The following ULK1 variants were observed in gnomAD, a reference collection of about 807,000 sequenced individuals.
The protein encoded by ULK1 is serine/threonine-protein kinase ULK1.
Under a neutral mutation model 117.5 loss-of-function variants are expected in ULK1, and 48 were observed. The ratio of observed to expected loss-of-function variants is 0.41; its 90% confidence interval spans 0.32 to 0.52. ULK1 has a LOEUF of 0.52. ULK1 is among the 20% of genes least tolerant of loss of function. The pLI is 0.29. For missense variants in ULK1, 1,387 were observed against 1,473.4 expected, an observed-to-expected ratio of 0.94 and a Z score of 0.96; for synonymous variants, 790 against 637.8, an observed-to-expected ratio of 1.24 and a Z score of -3.60.
At chr12:131,906,622 G>C in intron 3 of ULK1, 1 of 539,466 alleles carries the variant, frequency 1.9e-6, no homozygotes, top group South Asian at 2.1e-5. Flanking sequence ...CTTCCTGCTA[G>C]GGGGTATGTC....
At chr12:131,913,414 G>A (rs979092233) in intron 14 of ULK1, among the ~76,000 whole-genome samples, 156 bp downstream of exon 14, 31 of 150,820 alleles carry the variant, frequency 2.1e-4, no homozygotes, top group African/African-American at 4.9e-4. Flanking sequence ...AGTAAATGCC[G>A]TTGGCCCGTG....
Position 131,921,511 on chromosome 12 carries a change from C to A in ULK1, c.*150C>A. ...CACGGACAGTCAGCCTGCCGGCCTC[C>A]CTGCAGCTCACGGGGCAGAACCAGC... On this transcript the variant is annotated 3_prime_UTR_variant, in exon 28 of 28. Transcript: ENST00000321867. 2 of 1,198,692 alleles carry A rather than the reference C, an allele frequency of 1.7e-6. No individual in the cohort carries two copies. The highest frequency in any genetic ancestry group is 1.3e-5 in the South Asian group (1 of 76,286). The allele number at this position is 1,198,692 out of a possible 1,614,324, so 74.3% of individuals were successfully genotyped here. A position where few individuals can be genotyped will look rare whatever the true frequency, so the allele number is the denominator to read the frequency against.
In ULK1 at chr12:131,913,883, C is replaced by T. The variant is rs547499854; in HGVS notation, c.1247+47C>T. ...GTGGATGGGGCTGTGAACAGTCCCCCGGCTGGAGGTTGGGCTTCCTGTGTG... is the reference window on the plus strand; with the variant it reads ...GTGGATGGGGCTGTGAACAGTCCCCTGGCTGGAGGTTGGGCTTCCTGTGTG... On this transcript the variant is annotated intron_variant, in intron 15 of 27. Transcript: ENST00000321867. 336 of 1,413,818 alleles carry T rather than the reference C, an allele frequency of 2.4e-4. 2 individuals are homozygous for T. In the South Asian group the frequency reaches 3.4e-3, roughly 14 times the overall value. The allele number at this position is 1,413,818 out of a possible 1,614,324, so 87.6% of individuals were successfully genotyped here.
In ULK1 at chr12:131,904,618, T is replaced by C. The variant is rs187367075; in HGVS notation, c.247-2274T>C. ...GTGCTGGGCTCCTGCTCTGCACACA[T>C]GGGTGTTCCCCCAGGATACCTCTGA... On this transcript the variant is annotated intron_variant, in intron 3 of 27. Transcript: ENST00000321867. Among the ~76,000 whole-genome samples, 3 of 152,314 alleles carry C rather than the reference T, an allele frequency of 2.0e-5. No individual in the cohort carries two copies. In the East Asian group the frequency reaches 5.8e-4, roughly 29 times the overall value.
intron 3 of ULK1, among the ~76,000 whole-genome samples, chr12:131,901,683 T>C (rs1889096986): frequency 6.6e-6 from 1 of 152,242 alleles, no homozygotes; most frequent in Admixed American, 6.5e-5. Flanking sequence ...AGTTGGTTTT[T>C]GTTTGTGCGC....
At chr12:131,915,049 A>G (rs370838415) in intron 16 of ULK1, 34 bp from the exon 17 acceptor site, 2 of 1,517,610 alleles carry the variant, frequency 1.3e-6, no homozygotes, top group South Asian at 1.3e-5. Flanking sequence ...AGGGCTGCTG[A>G]GGCCTCCCCT....
Position 131,922,264 on chromosome 12 carries a change from C to T in ULK1, c.*903C>T, listed in dbSNP as rs1023996204. ...AGGTTAGAGGCAGATGGCACAGGGGCGTGTGGCGGGCGGGTGAGGCTGCTT... is the reference window on the plus strand; with the variant it reads ...AGGTTAGAGGCAGATGGCACAGGGGTGTGTGGCGGGCGGGTGAGGCTGCTT... On this transcript the variant is annotated 3_prime_UTR_variant, in exon 28 of 28. Transcript: ENST00000321867. The T allele has an allele frequency of 2.9e-6, 1 of 350,068 alleles. No homozygotes were observed. Among genetic ancestry groups the T allele is most frequent in the Non-Finnish European group, 5.7e-6 (1 of 175,838 alleles). The allele number at this position is 350,068 out of a possible 1,614,324, so 21.7% of individuals were successfully genotyped here.
rs766675435 is a variant in ULK1 at position 131,908,695 on chromosome 12, C to T, written c.368C>T (p.Ala123Val). The change falls in exon 6 of 28, where the codon GCG becomes GTG. Residue 123 changes from alanine (A) to valine (V), a missense_variant. Ala to Val is a moderately conservative substitution (Grantham distance 64). Around this residue, in one of 4 missense-constraint regions of ULK1, gnomAD observed 224 missense variants for 325.2 expected, o/e 0.69. Transcript: ENST00000321867. Reference sequence around the variant, plus strand: ...ATCAGGCTCTTCCTGCAGCAGATCGCGGGCGCCATGCGGCTTCTGCACAGC... The same window carrying T: ...ATCAGGCTCTTCCTGCAGCAGATCGTGGGCGCCATGCGGCTTCTGCACAGC... ...DTIRLFLQQI[A>V]GAMRLLHSKG... is the part of the protein sequence containing the mutation. 2.5e-6 allele frequency: 4 copies of T among 1,596,052 alleles called. No homozygotes were observed. Among genetic ancestry groups the T allele is most frequent in the East Asian group, 2.2e-5 (1 of 44,464 alleles).
At chr12:131,916,917 GC>G (rs1889815313) in intron 20 of ULK1, 35 bp from the exon 21 acceptor site, 1 of 1,563,600 alleles carries the variant, frequency 6.4e-7, no homozygotes, top group African/African-American at 1.4e-5. Flanking sequence ...GGTGGGGTGG[GC>G]CGGGCACCCA....
chr12:131,908,437 C>T (rs960241168), intron 5 of ULK1, among the ~76,000 whole-genome samples: 8 of 152,054 alleles, frequency 5.3e-5, no homozygotes, highest in Non-Finnish European at 1.2e-4. Context: ...GTGGGGCCGG[C>T]GCGCCGGGCT....
chr12:131,896,235 G>C (rs1479762177), intron 3 of ULK1, among the ~76,000 whole-genome samples: 1 of 152,128 alleles, frequency 6.6e-6, no homozygotes, highest in East Asian at 1.9e-4. Context: ...GCGTCAGACG[G>C]GGCGGGGGAG....
chr12:131,903,013 C>T lies in ULK1; in HGVS notation c.247-3879C>T, dbSNP rs10902472. Among the ~76,000 whole-genome samples, 27,738 of 152,082 alleles carry T rather than the reference C, an allele frequency of 0.18. 4,788 individuals carry two copies. The highest frequency in any genetic ancestry group is 0.46 in the African/African-American group (18,892 of 41,432). The stretch of plus-strand genomic sequence containing the variant: ...TGCAAGGCAGAGCTGGAGCCCGATG[C>T]CCTGTGTGGGTTCTGGGTGGGCCCA... On this transcript the variant is annotated intron_variant, in intron 3 of 27. Transcript: ENST00000321867. This position sits in a 1 kb window ranked among gnomAD's most constrained non-coding sequence, Gnocchi z 6.0.
In ULK1 at chr12:131,922,947, GT is replaced by G. The variant is rs1469972482; in HGVS notation, c.*1587del. 2 of 152,472 alleles carry G rather than the reference GT, an allele frequency of 1.3e-5. No homozygotes were observed. The highest frequency in any genetic ancestry group is 4.1e-4 in the South Asian group (2 of 4,830). The allele number at this position is 152,472 out of a possible 1,614,324, so 9.4% of individuals were successfully genotyped here. A position where few individuals can be genotyped will look rare whatever the true frequency, so the allele number is the denominator to read the frequency against. On this transcript the variant is annotated 3_prime_UTR_variant, in exon 28 of 28. Transcript: ENST00000321867. Reference sequence around the variant, plus strand: ...GCTGGCACTGCGGGGATCTTGCCCGGTGTCCTGGTCCTCTTGCTTCCGTCGC... The same window carrying G: ...GCTGGCACTGCGGGGATCTTGCCCGGGTCCTGGTCCTCTTGCTTCCGTCGC...
chr12:131,910,143 C>T (rs761841596), intron 10 of ULK1, 111 bp from the exon 11 acceptor site: 29 of 1,571,542 alleles, frequency 1.8e-5, no homozygotes, highest in Non-Finnish European at 2.3e-5. Flanking sequence ...AGGGGCTCCA[C>T]CTCCGCCCGG....
At chr12:131,916,269 C>T (rs116841412) in intron 19 of ULK1, 110 bp downstream of exon 19, 337 of 1,515,880 alleles carry the variant, frequency 2.2e-4, no homozygotes, top group African/African-American at 2.2e-3. Flanking sequence ...TTTTGACCCC[C>T]GCCTGGGCTC....
At chr12:131,914,663 T>C (rs1326451023) in intron 16 of ULK1, among the ~76,000 whole-genome samples, 186 bp downstream of exon 16, 1 of 152,274 alleles carries the variant, frequency 6.6e-6, no homozygotes, top group Non-Finnish European at 1.5e-5. Flanking sequence ...TTGACAGTTT[T>C]CTGATCAGTA....
At position 131,908,913 on chromosome 12, in the gene ULK1, C is replaced by T. The variant is rs1889397016; in HGVS notation, c.506C>T (p.Ala169Val). ...TCTCCCGCAGCTGACTTCGGCTTCG[C>T]GCGGTACCTCCAGAGCAACATGATG... ...IRVKIADFGFARYLQSNMMAA... is the reference protein window; with the variant it reads ...IRVKIADFGFVRYLQSNMMAA... The change falls in exon 7 of 28, where the codon GCG becomes GTG. Residue 169 changes from alanine (A) to valine (V), a missense_variant. Ala to Val is a moderately conservative substitution (Grantham distance 64, BLOSUM62 0). Coordinates refer to ENST00000321867, the MANE Select transcript of ULK1 (RefSeq NM_003565.4). 6.2e-7 allele frequency: 1 copy of T among 1,611,550 alleles called. No individual in the cohort carries two copies. The highest frequency in any genetic ancestry group is 8.5e-7 in the Non-Finnish European group (1 of 1,179,800).
chr12:131,920,016 G>C lies in ULK1; in HGVS notation c.2841G>C (p.Val947=). 6.2e-7 allele frequency: 1 copy of C among 1,612,864 alleles called. No homozygotes were observed. ...TGAATGAGCTGTACAAGGCCAGCGT[G>C]GTGTCCTGCCAGGGCCTGAGCCTGC... ...RRLNELYKAS[V]VSCQGLSLRL... is the part of the protein sequence containing the mutation. The change falls in exon 26 of 28, where the codon GTG becomes GTC. Residue 947 remains valine (V), a synonymous_variant. Coordinates refer to ENST00000321867, the MANE Select transcript of ULK1 (RefSeq NM_003565.4).
intron 3 of ULK1, among the ~76,000 whole-genome samples, chr12:131,904,570 T>C (rs939319919): frequency 6.6e-6 from 1 of 152,154 alleles, no homozygotes; most frequent in African/African-American, 2.4e-5. Context: ...AGCCCGGTCC[T>C]GGGTGAGTGG....
Sources: gnomAD v4.1 joint callset for allele counts (sites outside exome capture counted in the v4.1 genomes callset) on GRCh38, gnomAD v4.1.1 for gene constraint, gnomAD v4.1.1 regional missense constraint, Gnocchi (gnomAD v3.1) non-coding constraint, MANE v1.5 for transcripts, NCBI Gene and HGNC (gene_info 2026-07-23, HGNC 2026-07-21) for gene names.